Variants in LEF1 observed in about 807,000 individuals in gnomAD.
LEF1 encodes lymphoid enhancer binding factor 1, also known as lymphoid enhancer-binding factor 1.
Under a neutral mutation model 51.2 loss-of-function variants are expected in LEF1, and 14 were observed. The observed-to-expected ratio is 0.27, with a 90% confidence interval of 0.18 to 0.43. LEF1 has a LOEUF of 0.43. Ranked by LOEUF, LEF1 falls within the 20% of genes least tolerant of loss-of-function variation. The pLI, the probability that LEF1 is intolerant of heterozygous loss-of-function variation, is 1.00. For missense variants in LEF1, 386 were observed against 512.0 expected (o/e 0.75, Z 2.37); for synonymous variants, 185 against 183.2 (o/e 1.01, Z -0.08).
chr4:108,165,589 T>C (rs1439071262), intron 1 of LEF1, among the ~76,000 whole-genome samples: 1 of 152,174 alleles, frequency 6.6e-6, no homozygotes, highest in African/African-American at 2.4e-5. Flanking sequence ...TGAAATATCA[T>C]TTTGCAACTG....
intron 3 of LEF1, among the ~76,000 whole-genome samples, chr4:108,137,493 C>T (rs1560817011): frequency 6.6e-6 from 1 of 152,038 alleles, no homozygotes; most frequent in Non-Finnish European, 1.5e-5. Context: ...ATAAAAATGC[C>T]CTCAAAGATA....
chr4:108,113,994 G>T, intron 3 of LEF1, among the ~76,000 whole-genome samples: 1 of 152,072 alleles, frequency 6.6e-6, no homozygotes, highest in Middle Eastern at 3.2e-3. Context: ...AAGCAATCTG[G>T]AGTTTTTTTT....
At chr4:108,052,317 A>T (rs1191268264) in intron 11 of LEF1, among the ~76,000 whole-genome samples, 1 of 152,250 alleles carries the variant, frequency 6.6e-6, no homozygotes, top group Non-Finnish European at 1.5e-5. Context: ...TTGGAATAAA[A>T]GACCCTTTCT....
intron 6 of LEF1, 148 bp downstream of exon 6, chr4:108,081,438 A>T: frequency 1.6e-6 from 1 of 637,910 alleles, no homozygotes; most frequent in Non-Finnish European, 2.8e-6. Flanking sequence ...TCTGACACCT[A>T]GTGTGGGAGC....
rs181483273 is a variant in LEF1 at position 108,054,734 on chromosome 4, G to A, written c.*7-5983C>T. The stretch of plus-strand genomic sequence containing the variant: ...CTTATGAAACAGAATGCTTCTAAAA[G>A]CATGATGCTAGCTGAGAAAAACTAA... On this transcript the variant is annotated intron_variant, in intron 11 of 11. Coordinates refer to ENST00000265165, the MANE Select transcript of LEF1 (RefSeq NM_016269.5). 1.0e-3 allele frequency among the ~76,000 whole-genome samples: 154 copies of A among 152,260 alleles called. 3 individuals are homozygous for A. The highest frequency in any genetic ancestry group is 7.7e-4 in the East Asian group (4 of 5,190).
intron 3 of LEF1, among the ~76,000 whole-genome samples, chr4:108,091,094 T>C (rs1412646916): frequency 1.3e-5 from 2 of 152,180 alleles, no homozygotes; most frequent in Non-Finnish European, 2.9e-5. Flanking sequence ...GATCTTACTA[T>C]ATTATTGACT....
intron 3 of LEF1, among the ~76,000 whole-genome samples, chr4:108,092,917 TAAAAAAAAAA>T (rs71592104): frequency 1.3e-4 from 4 of 31,156 alleles, no homozygotes; most frequent in African/African-American, 2.0e-4. Flanking sequence ...AATGAATATG[TAAAAAAAAAA>T]AAAAAAAAAA....
intron 8 of LEF1, 74 bp from the exon 9 acceptor site, chr4:108,070,844 C>A: frequency 5.9e-6 from 6 of 1,023,682 alleles, no homozygotes; most frequent in Admixed American, 2.2e-5. Context: ...TTTCAAAAAT[C>A]AAAAAATGAA....
chr4:108,048,804 A>G (rs973139449), intron 11 of LEF1, 53 bp from the exon 12 acceptor site: 2 of 1,314,870 alleles, frequency 1.5e-6, no homozygotes, highest in African/African-American at 2.9e-5. Context: ...GTAGGCCTTA[A>G]GATTATAACC....
At chr4:108,074,451 T>TA (rs1738710597) in intron 8 of LEF1, among the ~76,000 whole-genome samples, 2 of 152,318 alleles carry the variant, frequency 1.3e-5, no homozygotes, top group South Asian at 4.1e-4. Context: ...GTGATATTAT[T>TA]ATTTATAATA....
In LEF1 at chr4:108,167,888, AGCGGGCGGAAGCGGG is replaced by A; in HGVS notation, c.-136_-122del. The A allele has an allele frequency of 1.4e-6, 1 of 694,344 alleles. No homozygotes were observed. The highest frequency in any genetic ancestry group is 2.1e-6 in the Non-Finnish European group (1 of 474,624). The allele number at this position is 694,344 out of a possible 1,614,324, so 43.0% of individuals were successfully genotyped here. On this transcript the variant is annotated 5_prime_UTR_variant, in exon 1 of 12. Coordinates refer to ENST00000265165, the MANE Select transcript of LEF1 (RefSeq NM_016269.5). The surrounding 1 kb of genome is among the most constrained non-coding windows in gnomAD (Gnocchi z 5.7). ...GTTGGAAGGGTTCGTGCAGCAGGAC[AGCGGGCGGAAGCGGG>A]GCGGGCGAGCGCGGGGCCGCCGGCC...
At chr4:108,084,911 A>G (rs1739544387) in intron 4 of LEF1, among the ~76,000 whole-genome samples, 1 of 152,056 alleles carries the variant, frequency 6.6e-6, no homozygotes, top group Non-Finnish European at 1.5e-5. Context: ...TACCTCCCCA[A>G]ATCTCACGGT....
At chr4:108,128,413 A>G (rs1204935946) in intron 3 of LEF1, among the ~76,000 whole-genome samples, 1 of 152,196 alleles carries the variant, frequency 6.6e-6, no homozygotes, top group African/African-American at 2.4e-5. Context: ...CATTAAAAAA[A>G]CTTCATAAAA....
intron 8 of LEF1, chr4:108,075,244 G>A (rs943376875): frequency 3.9e-5 from 6 of 152,212 alleles, no homozygotes; most frequent in African/African-American, 1.2e-4. Context: ...ATTGGAAATA[G>A]CTGCATTTTG....
At chr4:108,090,999 T>C (rs948526796) in intron 3 of LEF1, among the ~76,000 whole-genome samples, 3 of 152,134 alleles carry the variant, frequency 2.0e-5, no homozygotes, top group Non-Finnish European at 2.9e-5. Flanking sequence ...ATGGGTAACA[T>C]GAATTTAAGA....
At chr4:108,094,443 C>G (rs1044732104) in intron 3 of LEF1, among the ~76,000 whole-genome samples, 3 of 152,188 alleles carry the variant, frequency 2.0e-5, no homozygotes, top group Admixed American at 6.5e-5. Flanking sequence ...GAGAGCCACC[C>G]CCAAAGCAGC....
intron 3 of LEF1, among the ~76,000 whole-genome samples, chr4:108,152,724 G>A (rs889637384): frequency 6.6e-6 from 1 of 152,228 alleles, no homozygotes; most frequent in African/African-American, 2.4e-5. Context: ...TACATGACCT[G>A]CCTGTAGTGT....
chr4:108,162,449 T>G (rs974101560), intron 3 of LEF1, among the ~76,000 whole-genome samples: 3 of 152,234 alleles, frequency 2.0e-5, no homozygotes, highest in African/African-American at 7.2e-5. Flanking sequence ...ACTGTTGATT[T>G]TGAGCCACTA....
intron 3 of LEF1, among the ~76,000 whole-genome samples, chr4:108,155,123 C>T (rs1433660101): frequency 6.6e-6 from 1 of 151,970 alleles, no homozygotes; most frequent in Non-Finnish European, 1.5e-5. Flanking sequence ...GAGAAAACCC[C>T]AGCTCCTATG....
Sources: allele counts gnomAD v4.1 joint callset (sites outside exome capture counted in the v4.1 genomes callset), GRCh38; gene constraint gnomAD v4.1.1; non-coding constraint Gnocchi (gnomAD v3.1); transcripts MANE v1.5; gene names NCBI Gene and HGNC (gene_info 2026-07-23, HGNC 2026-07-21).